FOXP2: variants seen among roughly 807,000 people sequenced by gnomAD.
The protein encoded by FOXP2 is forkhead box P2.
FOXP2 carries 12 observed loss-of-function variants against 115.8 expected under a neutral mutation model. That is an observed-to-expected ratio of 0.10 (90% CI 0.07 to 0.17). The LOEUF is 0.17. Among genes scored for constraint, FOXP2 ranks in the 10% least tolerant of loss-of-function variants. FOXP2 has a pLI of 1.00. For synonymous variants in FOXP2, 328 were observed against 297.7 expected, an observed-to-expected ratio of 1.10 and a Z score of -1.05; for missense variants, 629 against 843.5, an observed-to-expected ratio of 0.75 and a Z score of 3.15.
At chr7:114,551,544 T>C (rs1800207586) in intron 3 of FOXP2, among the ~76,000 whole-genome samples, 3 of 152,150 alleles carry the variant, frequency 2.0e-5, no homozygotes, top group East Asian at 1.9e-4. Context: ...GAGGCTTTGT[T>C]TGTGGTTCTT....
intron 3 of FOXP2, among the ~76,000 whole-genome samples, chr7:114,609,965 A>G (rs1161534533): frequency 1.3e-5 from 2 of 152,160 alleles, no homozygotes; most frequent in Non-Finnish European, 2.9e-5. Flanking sequence ...AAAATGTCAC[A>G]TAGGTTTATC....
At chr7:114,236,565 T>C (rs537962001) in intron 1 of FOXP2, among the ~76,000 whole-genome samples, 1 of 152,364 alleles carries the variant, frequency 6.6e-6, no homozygotes, top group South Asian at 2.1e-4. Flanking sequence ...TTTATTATTC[T>C]GTAGCTGAAG....
chr7:114,300,282 C>T (rs1796848297), intron 2 of FOXP2, among the ~76,000 whole-genome samples: 1 of 151,906 alleles, frequency 6.6e-6, no homozygotes, highest in Admixed American at 6.6e-5. Flanking sequence ...GTATATAAAA[C>T]AATAGAATAA....
At chr7:114,468,507 C>T (rs532706104) in intron 2 of FOXP2, among the ~76,000 whole-genome samples, 1 of 152,184 alleles carries the variant, frequency 6.6e-6, no homozygotes, top group South Asian at 2.1e-4. Context: ...TTCACACTCC[C>T]TGGCTCATAA....
At chr7:114,576,771 C>T (rs1456561833) in intron 3 of FOXP2, among the ~76,000 whole-genome samples, 1 of 151,872 alleles carries the variant, frequency 6.6e-6, no homozygotes, top group African/African-American at 2.4e-5. Context: ...TAACCGTTTG[C>T]TCTATAGTTT....
In FOXP2 at chr7:114,536,401, T is replaced by C. The variant is rs550974805; in HGVS notation, c.258+1695T>C. ...CTGGGCTTTAGTTTTTCTTTTCTTT[T>C]TTTTTTTTTTTTTTTTTGTTGTTGT... On this transcript the variant is annotated intron_variant, in intron 3 of 16. Transcript: ENST00000350908. 1.3e-4 allele frequency among the ~76,000 whole-genome samples: 14 copies of C among 109,618 alleles called. No individual in the cohort carries two copies. In the South Asian group the frequency reaches 2.3e-3, roughly 18 times the overall value. The allele number at this position is 109,618 out of a possible 152,430, so 71.9% of individuals were successfully genotyped here.
intron 2 of FOXP2, among the ~76,000 whole-genome samples, chr7:114,441,849 A>G (rs1033707826): frequency 3.3e-5 from 5 of 152,212 alleles, no homozygotes; most frequent in African/African-American, 1.2e-4. Flanking sequence ...GTAAAAAAAG[A>G]CAGGCAATAA....
At chr7:114,149,602 ATT>A (rs376120503) in intron 1 of FOXP2, among the ~76,000 whole-genome samples, 2 of 149,282 alleles carry the variant, frequency 1.3e-5, no homozygotes, top group African/African-American at 4.9e-5. Context: ...CCCATTTAAC[ATT>A]TTTTTTTTAT....
chr7:114,524,079 T>C (rs184230728), intron 2 of FOXP2, among the ~76,000 whole-genome samples: 3 of 152,276 alleles, frequency 2.0e-5, no homozygotes, highest in Admixed American at 6.5e-5. Flanking sequence ...TTTAACTTCA[T>C]CAGAAAATAG....
intron 1 of FOXP2, among the ~76,000 whole-genome samples, chr7:114,238,646 C>G (rs1312862868): frequency 3.3e-5 from 5 of 151,916 alleles, no homozygotes; most frequent in Non-Finnish European, 5.9e-5. Flanking sequence ...GTGGTTCGTG[C>G]CTGTAGTCCC....
chr7:114,160,957 A>ATTG (rs1201706946), upstream of FOXP2, among the ~76,000 whole-genome samples: 2 of 152,172 alleles, frequency 1.3e-5, no homozygotes, highest in Non-Finnish European at 2.9e-5. Context: ...TAGCATACGT[A>ATTG]TTGTTCTAAA....
At chr7:114,451,465 T>C (rs1327000904) in intron 2 of FOXP2, among the ~76,000 whole-genome samples, 1 of 152,072 alleles carries the variant, frequency 6.6e-6, no homozygotes, top group African/African-American at 2.4e-5. Context: ...TAAACAACTA[T>C]AAATGTCTGA....
intron 2 of FOXP2, among the ~76,000 whole-genome samples, chr7:114,450,393 G>C (rs943427501): frequency 6.6e-6 from 1 of 152,056 alleles, no homozygotes; most frequent in African/African-American, 2.4e-5. Flanking sequence ...AAGTTTTTTG[G>C]ATTTTAAAAT....
chr7:114,468,963 T>C (rs530338181), intron 2 of FOXP2, among the ~76,000 whole-genome samples: 41 of 152,304 alleles, frequency 2.7e-4, no homozygotes, highest in African/African-American at 9.6e-4. Context: ...ACATAAGAAC[T>C]CTTAGTAAAG....
At chr7:114,168,677 A>G (rs1404180944) in intron 1 of FOXP2, among the ~76,000 whole-genome samples, 3 of 152,202 alleles carry the variant, frequency 2.0e-5, no homozygotes, top group African/African-American at 4.8e-5. Context: ...AGCCTACTGC[A>G]CAAATTTGCA....
intron 1 of FOXP2, among the ~76,000 whole-genome samples, chr7:114,107,189 T>G (rs979686113): frequency 6.6e-6 from 1 of 151,986 alleles, no homozygotes; most frequent in African/African-American, 2.4e-5. Context: ...TTGGCAATGT[T>G]TAGGAATTTA....
At position 114,690,856 on chromosome 7, in the gene FOXP2, T is replaced by C. The variant is rs1462363216; in HGVS notation, c.*930T>C. The C allele has an allele frequency of 1.8e-5, 8 of 454,532 alleles. No individual in the cohort carries two copies. In the Admixed American group the frequency reaches 1.9e-4, roughly 11 times the overall value. The allele number at this position is 454,532 out of a possible 1,614,324, so 28.2% of individuals were successfully genotyped here. ...GTACAAAGGAACCTTTTCCATGAAC[T>C]ACCTGCTGTTTTCTGATGACCTCTG... On this transcript the variant is annotated 3_prime_UTR_variant, in exon 17 of 17. Transcript: ENST00000350908.
chr7:114,233,920 C>A (rs1382160461), intron 1 of FOXP2, among the ~76,000 whole-genome samples: 1 of 152,120 alleles, frequency 6.6e-6, no homozygotes, highest in Non-Finnish European at 1.5e-5. Flanking sequence ...GACTGAGGCT[C>A]AGGAATAGCT....
intron 16 of FOXP2, among the ~76,000 whole-genome samples, chr7:114,684,830 T>C (rs1242830878): frequency 1.3e-5 from 2 of 152,222 alleles, no homozygotes; most frequent in Non-Finnish European, 2.9e-5. Context: ...TTTTAGAGGG[T>C]ACTTTGGGAA....
Sources: gnomAD v4.1 joint callset for allele counts (sites outside exome capture counted in the v4.1 genomes callset) on GRCh38, gnomAD v4.1.1 for gene constraint, MANE v1.5 for transcripts, NCBI Gene and HGNC (gene_info 2026-07-23, HGNC 2026-07-21) for gene names.